LITAFD: variants seen among roughly 807,000 people sequenced by gnomAD.
LITAFD encodes lITAF domain-containing protein.
At chr16:8,884,377 C>G in exon 3 of LITAFD, 1 of 399,220 alleles carries the variant, frequency 2.5e-6, no homozygotes, top group Non-Finnish European at 4.4e-6. Context: ...GGCCGTGTGT[C>G]CCTACTGTGG....
chr16:8,882,658 A>C (rs2061546662), intron 1 of LITAFD, 148 bp downstream of exon 1: 1 of 152,540 alleles, frequency 6.6e-6, no homozygotes, highest in Admixed American at 6.5e-5. Context: ...CCGAAATCCT[A>C]CTGTCCCCAC....
At chr16:8,884,134 C>G (rs572234274) in intron 2 of LITAFD, among the ~76,000 whole-genome samples, 189 bp from the exon 3 acceptor site, 1 of 152,332 alleles carries the variant, frequency 6.6e-6, no homozygotes, top group South Asian at 2.1e-4. Flanking sequence ...GCTAAGAACA[C>G]TTCTTTCCTT....
chr16:8,884,245 C>T (rs2061554463), intron 2 of LITAFD, 78 bp from the exon 3 acceptor site: 1 of 397,608 alleles, frequency 2.5e-6, no homozygotes, highest in East Asian at 3.6e-5. Context: ...TGAGCACCGA[C>T]AGCCCATGGG....
chr16:8,885,105 G>C (rs138145872), intron 3 of LITAFD, 82 bp from the exon 4 acceptor site: 242 of 399,230 alleles, frequency 6.1e-4, no homozygotes, highest in African/African-American at 4.3e-3. Flanking sequence ...GCCCCTCCCA[G>C]ACTCTGCCTG....
rs113162540 is a variant in LITAFD at position 8,883,438 on chromosome 16, G to C, written c.-34+152G>C. 4.3e-3 allele frequency among the ~76,000 whole-genome samples: 661 copies of C among 152,200 alleles called. 2 individuals are homozygous for C. The highest frequency in any genetic ancestry group is 0.015 in the African/African-American group (635 of 41,526). Reference sequence around the variant, plus strand: ...TCCTCCCCTGACCCCGTAGCTGTGGGACCCCGCAGCTGGCCAGCTGCCCCT... The same window carrying C: ...TCCTCCCCTGACCCCGTAGCTGTGGCACCCCGCAGCTGGCCAGCTGCCCCT... On this transcript the variant is annotated intron_variant, in intron 2 of 3. Coordinates refer to ENST00000636296, the Ensembl canonical transcript of LITAFD.
intron 2 of LITAFD, among the ~76,000 whole-genome samples, chr16:8,883,935 CAT>C (rs1391170254): frequency 6.6e-6 from 1 of 152,168 alleles, no homozygotes; most frequent in Non-Finnish European, 1.5e-5. Context: ...TGTGATGGCA[CAT>C]GTCTATAGTC....
chr16:8,885,339 G>C (rs758050900), exon 4 of LITAFD: 1 of 398,878 alleles, frequency 2.5e-6, no homozygotes, highest in Admixed American at 4.4e-5. Context: ...GGGCACACCC[G>C]TGTCTATGTC....
Position 8,882,523 on chromosome 16 carries a change from C to G in LITAFD, c.-111+13C>G, listed in dbSNP as rs1324862485. The G allele has an allele frequency of 6.6e-6, 1 of 152,496 alleles. No homozygotes were observed. The highest frequency in any genetic ancestry group is 1.9e-4 in the East Asian group (1 of 5,206). 9.4% of individuals were successfully genotyped at this position (152,496 alleles called of 1,614,324 possible). The stretch of plus-strand genomic sequence containing the variant: ...GAATCATCCCCGGGTGAGGGCTCCC[C>G]TCATTCAGGGGCCAGGGCTGGCAGG... On this transcript the variant is annotated intron_variant, in intron 1 of 3. Transcript: ENST00000636296.
chr16:8,882,998 G>A (rs573507218), intron 1 of LITAFD, among the ~76,000 whole-genome samples: 9 of 152,248 alleles, frequency 5.9e-5, no homozygotes, highest in African/African-American at 1.4e-4. Flanking sequence ...ACTGTGCCCG[G>A]CTAATTTTTG....
At chr16:8,883,949 C>T (rs1169163258) in intron 2 of LITAFD, among the ~76,000 whole-genome samples, 1 of 152,178 alleles carries the variant, frequency 6.6e-6, no homozygotes, top group Non-Finnish European at 1.5e-5. Context: ...TCTATAGTCC[C>T]AGCTACTCAG....
At chr16:8,883,618 A>G (rs984643981) in intron 2 of LITAFD, among the ~76,000 whole-genome samples, 1 of 152,176 alleles carries the variant, frequency 6.6e-6, no homozygotes, top group African/African-American at 2.4e-5. Context: ...CCCTCAGGCC[A>G]CAGAGGAGGG....
exon 3 of LITAFD, chr16:8,884,458 C>T (rs1270380670): frequency 6.9e-6 from 2 of 290,646 alleles, no homozygotes; most frequent in Non-Finnish European, 1.3e-5. Context: ...CACCCTCTTC[C>T]TGTTCGGGTG....
At chr16:8,882,568 C>T (rs994506677) in intron 1 of LITAFD, 58 bp downstream of exon 1, 3 of 152,500 alleles carry the variant, frequency 2.0e-5, no homozygotes, top group African/African-American at 7.2e-5. Flanking sequence ...GAAGTCTACT[C>T]TGGAGACCGC....
chr16:8,883,406 C>T (rs1162211444), intron 2 of LITAFD, 120 bp downstream of exon 2: 1 of 152,312 alleles, frequency 6.6e-6, no homozygotes, highest in Admixed American at 6.5e-5. Flanking sequence ...CATCCTCTGG[C>T]AAGTTCTCCT....
At chr16:8,884,495 G>A (rs961646864) in intron 3 of LITAFD, 30 bp downstream of exon 3, 1 of 399,390 alleles carries the variant, frequency 2.5e-6, no homozygotes, top group Non-Finnish European at 4.4e-6. Flanking sequence ...CCGCTGCAGA[G>A]GCCTGAGCAT....
At chr16:8,884,274 G>C (rs1040740242) in intron 2 of LITAFD, 49 bp from the exon 3 acceptor site, 1 of 398,450 alleles carries the variant, frequency 2.5e-6, no homozygotes, top group Admixed American at 4.4e-5. Context: ...AGCCACAGGG[G>C]TCCTGGCCCC....
intron 2 of LITAFD, among the ~76,000 whole-genome samples, 176 bp from the exon 3 acceptor site, chr16:8,884,147 T>C (rs2061554097): frequency 3.3e-5 from 5 of 152,128 alleles, no homozygotes. Flanking sequence ...CTTTCCTTAG[T>C]TTCCTCCAAA....
intron 1 of LITAFD, among the ~76,000 whole-genome samples, 191 bp from the exon 2 acceptor site, chr16:8,883,019 T>C (rs2061548716): frequency 6.6e-6 from 1 of 151,880 alleles, no homozygotes; most frequent in East Asian, 1.9e-4. Flanking sequence ...TATTTGTAGT[T>C]GAGATGGGGT....
At chr16:8,884,727 G>C (rs1367440088) in intron 3 of LITAFD, among the ~76,000 whole-genome samples, 1 of 152,170 alleles carries the variant, frequency 6.6e-6, no homozygotes. Flanking sequence ...AGCTGCTGCT[G>C]TCACCAGCAG....
Sources: gnomAD v4.1 joint callset for allele counts (sites outside exome capture counted in the v4.1 genomes callset) on GRCh38, gnomAD v4.1.1 for gene constraint, MANE v1.5 for transcripts, NCBI Gene and HGNC (gene_info 2026-07-23, HGNC 2026-07-21) for gene names.